The following ZSWIM7 variants were observed in gnomAD, a reference collection of about 807,000 sequenced individuals.
The protein encoded by ZSWIM7 is zinc finger SWIM-type containing 7.
A neutral mutation model predicts 21.1 loss-of-function variants in ZSWIM7; 22 were observed. The observed-to-expected ratio is 1.04, with a 90% CI of 0.74 to 1.49. ZSWIM7 has a LOEUF of 1.49. Ranked by LOEUF, ZSWIM7 falls within the 40% of genes most tolerant of loss-of-function variation. The pLI, the probability that ZSWIM7 is intolerant of heterozygous loss-of-function variation, is 0.00. For missense variants in ZSWIM7, 193 were observed against 168.0 expected (o/e 1.15, Z -0.82); for synonymous variants, 67 against 66.5 (o/e 1.01, Z -0.04).
intron 4 of ZSWIM7, among the ~76,000 whole-genome samples, chr17:15,979,845 T>C (rs1597436503): frequency 1.1e-5 from 1 of 94,132 alleles, no homozygotes; most frequent in Non-Finnish European, 2.1e-5. Flanking sequence ...CCCACCTCCC[T>C]CCCGGACGGG....
chr17:15,991,650 C>T (rs1444844129), intron 2 of ZSWIM7, among the ~76,000 whole-genome samples: 1 of 152,122 alleles, frequency 6.6e-6, no homozygotes, highest in Admixed American at 6.5e-5. Flanking sequence ...TAAAGTAGTA[C>T]ATTTTTTTCC....
intron 1 of ZSWIM7, among the ~76,000 whole-genome samples, chr17:15,995,596 AAGAC>A (rs1169795496): frequency 1.1e-4 from 16 of 142,274 alleles, no homozygotes; most frequent in African/African-American, 4.0e-4. Context: ...AAAAAAAAAA[AAGAC>A]AGCAGAAATT....
intron 3 of ZSWIM7, among the ~76,000 whole-genome samples, chr17:15,982,246 T>C (rs1970364478): frequency 6.6e-6 from 1 of 152,082 alleles, no homozygotes; most frequent in Non-Finnish European, 1.5e-5. Flanking sequence ...TTTGTTTAAG[T>C]CTCTCTACCA....
Position 15,977,738 on chromosome 17 carries a change from C to T in ZSWIM7, c.*309G>A, listed in dbSNP as rs530183472. On this transcript the variant is annotated 3_prime_UTR_variant, in exon 5 of 5. Transcript: ENST00000399277. ...AAAAAAAGACTAAATAATGTGGACA[C>T]AACATGATATTAGGCTTTATTTGAA... 17 of 206,200 alleles carry T rather than the reference C, an allele frequency of 8.2e-5. 1 individual carries two copies. The highest frequency in any genetic ancestry group is 1.4e-4 in the Non-Finnish European group (14 of 99,978). 12.8% of individuals were successfully genotyped at this position (206,200 alleles called of 1,614,324 possible).
chr17:15,993,663 G>T, intron 2 of ZSWIM7, 94 bp downstream of exon 2: 2 of 1,042,672 alleles, frequency 1.9e-6, no homozygotes, highest in Non-Finnish European at 2.9e-6. Context: ...ACTGCGCCCG[G>T]TCAAGAGTAT....
intron 1 of ZSWIM7, among the ~76,000 whole-genome samples, chr17:15,998,562 G>A (rs1326130754): frequency 6.6e-6 from 1 of 152,086 alleles, no homozygotes; most frequent in African/African-American, 2.4e-5. Flanking sequence ...AATGCATTTT[G>A]AGTATATCAA....
intron 1 of ZSWIM7, among the ~76,000 whole-genome samples, chr17:15,995,945 G>A (rs929693046): frequency 2.6e-5 from 4 of 152,042 alleles, no homozygotes; most frequent in African/African-American, 9.7e-5. Context: ...GAAAAAAAAG[G>A]TCACATACAA....
intron 2 of ZSWIM7, among the ~76,000 whole-genome samples, chr17:15,989,696 T>A (rs1970458550): frequency 6.6e-6 from 1 of 152,008 alleles, no homozygotes; most frequent in Non-Finnish European, 1.5e-5. Context: ...AGTGGTGCAA[T>A]CATGGCTCAC....
chr17:15,991,933 G>T (rs12952442), intron 2 of ZSWIM7, among the ~76,000 whole-genome samples: 77,223 of 136,024 alleles, frequency 0.57, 21,915 homozygotes, highest in African/African-American at 0.62. Flanking sequence ...GTTTTGTTTT[G>T]TTTTTTTTTT....
At chr17:15,986,046 GT>G (rs1258083654) in intron 3 of ZSWIM7, among the ~76,000 whole-genome samples, 3 of 134,272 alleles carry the variant, frequency 2.2e-5, no homozygotes, top group Non-Finnish European at 4.7e-5. Context: ...TTGTGTTTTT[GT>G]TTGTTTGTTT....
intron 2 of ZSWIM7, among the ~76,000 whole-genome samples, chr17:15,989,351 T>C (rs966912822): frequency 1.3e-4 from 20 of 151,828 alleles, no homozygotes; most frequent in Non-Finnish European, 2.4e-4. Context: ...GGAGTCTCAC[T>C]CTGGTGTCCA....
chr17:15,987,696 T>C (rs4792708), intron 2 of ZSWIM7, among the ~76,000 whole-genome samples: 95,316 of 151,722 alleles, frequency 0.63, 31,170 homozygotes, highest in African/African-American at 0.81. Context: ...CCGTAACCTC[T>C]GCCTCCCGAG....
chr17:15,992,439 C>CTT (rs11455913), intron 2 of ZSWIM7, among the ~76,000 whole-genome samples: 4,595 of 121,924 alleles, frequency 0.038, 203 homozygotes, highest in African/African-American at 0.059. Flanking sequence ...AACAGCTACG[C>CTT]TTTTTTTTTT....
intron 1 of ZSWIM7, among the ~76,000 whole-genome samples, chr17:15,994,150 A>C (rs1220587957): frequency 6.6e-6 from 1 of 152,092 alleles, no homozygotes; most frequent in Admixed American, 6.5e-5. Context: ...ATGGGGTTTC[A>C]CCATGCTGGC....
chr17:15,985,253 A>C (rs1970395678), intron 3 of ZSWIM7, among the ~76,000 whole-genome samples: 1 of 151,770 alleles, frequency 6.6e-6, no homozygotes, highest in Non-Finnish European at 1.5e-5. Flanking sequence ...GCAGTGAGCT[A>C]AGATCATGCC....
intron 2 of ZSWIM7, among the ~76,000 whole-genome samples, chr17:15,988,910 C>T (rs1258406482): frequency 1.3e-5 from 2 of 152,082 alleles, no homozygotes; most frequent in East Asian, 3.9e-4. Context: ...GTCCCAGCTA[C>T]TCAGGAGGCT....
At chr17:15,993,721 T>TAA in intron 2 of ZSWIM7, 36 bp downstream of exon 2, 1 of 1,387,918 alleles carries the variant, frequency 7.2e-7, no homozygotes, top group South Asian at 1.2e-5. Context: ...CATTAATGGT[T>TAA]AAAAAAAAAT....
At chr17:15,995,260 C>T (rs1970535001) in intron 1 of ZSWIM7, among the ~76,000 whole-genome samples, 1 of 151,798 alleles carries the variant, frequency 6.6e-6, no homozygotes, top group African/African-American at 2.4e-5. Flanking sequence ...CACAGTAAGA[C>T]CCCGTCTCTC....
chr17:15,977,894 C>T lies in ZSWIM7; in HGVS notation c.*153G>A. The T allele has an allele frequency of 1.5e-6, 1 of 652,350 alleles. No individual in the cohort carries two copies. Among genetic ancestry groups the T allele is most frequent in the Non-Finnish European group, 2.7e-6 (1 of 370,504 alleles). 40.4% of individuals were successfully genotyped at this position (652,350 alleles called of 1,614,324 possible). A position where few individuals can be genotyped will look rare whatever the true frequency, so the allele number is the denominator to read the frequency against. ...ACCCTCCACAGCCCACGGCTCCAAC[C>T]CACAGCACCTCCTGCAGTCCTGGAG... On this transcript the variant is annotated 3_prime_UTR_variant, in exon 5 of 5. Transcript: ENST00000399277.
Sources: gnomAD v4.1 joint callset for allele counts (sites outside exome capture counted in the v4.1 genomes callset) on GRCh38, gnomAD v4.1.1 for gene constraint, MANE v1.5 for transcripts, NCBI Gene and HGNC (gene_info 2026-07-23, HGNC 2026-07-21) for gene names.